PRKCE: variants seen among roughly 807,000 people sequenced by gnomAD.
The protein encoded by PRKCE is protein kinase C epsilon.
A neutral mutation model predicts 85.4 loss-of-function variants in PRKCE; 16 were observed. That is an observed-to-expected ratio of 0.19 (90% CI 0.13 to 0.28). PRKCE has a LOEUF of 0.28. Ranked by LOEUF, PRKCE falls within the 10% of genes least tolerant of loss-of-function variation. The pLI, the probability that PRKCE is intolerant of heterozygous loss-of-function variation, is 1.00. For missense variants in PRKCE, 573 were observed against 975.2 expected (o/e 0.59, Z 5.49); for synonymous variants, 388 against 371.5 (o/e 1.04, Z -0.51).
intron 2 of PRKCE, among the ~76,000 whole-genome samples, chr2:45,916,640 G>A (rs879829209): frequency 5.3e-5 from 8 of 152,138 alleles, no homozygotes; most frequent in Admixed American, 2.6e-4. Flanking sequence ...TTAGCCAATC[G>A]GGAATCTTGG....
intron 10 of PRKCE, among the ~76,000 whole-genome samples, chr2:46,059,586 A>C (rs1157557645): frequency 6.6e-6 from 1 of 152,226 alleles, no homozygotes; most frequent in Non-Finnish European, 1.5e-5. Flanking sequence ...TTATTTTTCT[A>C]ATATTCTAAG....
intron 2 of PRKCE, among the ~76,000 whole-genome samples, chr2:45,865,161 C>T (rs1338943428): frequency 6.6e-6 from 1 of 152,184 alleles, no homozygotes; most frequent in Non-Finnish European, 1.5e-5. Context: ...TTCTAACCAG[C>T]TCCTAGGCGA....
chr2:45,796,561 C>A (rs989780584), intron 1 of PRKCE, among the ~76,000 whole-genome samples: 2 of 152,170 alleles, frequency 1.3e-5, no homozygotes, highest in African/African-American at 4.8e-5. Context: ...CTTGGGCAAT[C>A]TGCTTCCAGG....
At chr2:46,012,278 C>G (rs553514432) in intron 10 of PRKCE, among the ~76,000 whole-genome samples, 2 of 151,972 alleles carry the variant, frequency 1.3e-5, no homozygotes, top group Non-Finnish European at 2.9e-5. Context: ...TTCTTTATCT[C>G]TCTCTCTTTT....
At chr2:45,914,205 T>C (rs780275515) in intron 2 of PRKCE, among the ~76,000 whole-genome samples, 2 of 152,246 alleles carry the variant, frequency 1.3e-5, no homozygotes, top group Non-Finnish European at 2.9e-5. Context: ...ATTAGGAAGA[T>C]AAATTCATAT....
At chr2:46,082,126 G>T (rs1669139363) in intron 10 of PRKCE, among the ~76,000 whole-genome samples, 1 of 151,962 alleles carries the variant, frequency 6.6e-6, no homozygotes. Context: ...GAGGAAGCGG[G>T]GTGGGTTACA....
chr2:46,120,668 T>C (rs1673225073), intron 11 of PRKCE, among the ~76,000 whole-genome samples: 1 of 152,320 alleles, frequency 6.6e-6, no homozygotes, highest in South Asian at 2.1e-4. Context: ...CTTCTGAAGA[T>C]AGGAGAAGGC....
chr2:45,715,372 G>T (rs1391812944), intron 1 of PRKCE, among the ~76,000 whole-genome samples: 1 of 152,232 alleles, frequency 6.6e-6, no homozygotes, highest in Non-Finnish European at 1.5e-5. Flanking sequence ...CCTGATAGGT[G>T]CTAGTGAATC....
chr2:46,147,360 T>C, intron 12 of PRKCE, among the ~76,000 whole-genome samples: 1 of 152,202 alleles, frequency 6.6e-6, no homozygotes, highest in East Asian at 1.9e-4. Context: ...GAATACTCAG[T>C]TCCAGTTCCT....
At chr2:46,089,176 G>A (rs910556466) in intron 11 of PRKCE, among the ~76,000 whole-genome samples, 1 of 151,872 alleles carries the variant, frequency 6.6e-6, no homozygotes, top group South Asian at 2.1e-4. Flanking sequence ...TTTTCCCCAG[G>A]GCCTTCCTCC....
At chr2:45,728,200 C>A (rs553395722) in intron 1 of PRKCE, among the ~76,000 whole-genome samples, 26 of 152,322 alleles carry the variant, frequency 1.7e-4, no homozygotes, top group Non-Finnish European at 3.5e-4. Flanking sequence ...AGAAGCTACT[C>A]TAAATAAATT....
intron 2 of PRKCE, among the ~76,000 whole-genome samples, chr2:45,950,645 G>T (rs1319188460): frequency 6.6e-6 from 1 of 152,140 alleles, no homozygotes; most frequent in Non-Finnish European, 1.5e-5. Context: ...CCCAGGCCAA[G>T]TGTCTAATAA....
chr2:46,027,417 G>A (rs1707197625), intron 10 of PRKCE, among the ~76,000 whole-genome samples: 1 of 152,064 alleles, frequency 6.6e-6, no homozygotes, highest in Admixed American at 6.5e-5. Context: ...GATGGGGAGA[G>A]AGGTTGCAAT....
In PRKCE at chr2:46,007,626, T is replaced by C. The variant is rs1705319308; in HGVS notation, c.1228T>C (p.Phe410Leu). The change falls in exon 9 of 15, where the codon TTC becomes CTC. Residue 410 changes from phenylalanine (F) to leucine (L), a missense_variant. Transcript: ENST00000306156. ...GCGCCTGGGCCTGGATGAGTTCAAC[T>C]TCATCAAGGTGTTGGGCAAAGGCAG... ...AKRLGLDEFN[F>L]IKVLGKGSFG... is the part of the protein sequence containing the mutation. 2 of 1,599,794 alleles carry C rather than the reference T, an allele frequency of 1.3e-6. No individual in the cohort carries two copies. The highest frequency in any genetic ancestry group is 1.7e-6 in the Non-Finnish European group (2 of 1,179,964).
At chr2:46,177,647 G>A (rs972151283) in intron 14 of PRKCE, among the ~76,000 whole-genome samples, 17 of 152,062 alleles carry the variant, frequency 1.1e-4, no homozygotes, top group East Asian at 7.7e-4. Context: ...CCTCATCTTC[G>A]TTTGATTACG....
At chr2:45,720,094 T>A (rs1680487187) in intron 1 of PRKCE, among the ~76,000 whole-genome samples, 1 of 152,158 alleles carries the variant, frequency 6.6e-6, no homozygotes, top group Non-Finnish European at 1.5e-5. Flanking sequence ...GGCTGCATCC[T>A]TCTTCTCTGA....
intron 1 of PRKCE, among the ~76,000 whole-genome samples, chr2:45,788,974 G>A (rs779541810): frequency 3.4e-4 from 52 of 152,284 alleles, no homozygotes; most frequent in Non-Finnish European, 5.9e-4. Flanking sequence ...AATTAAATCA[G>A]AATCTTTGGA....
intron 2 of PRKCE, among the ~76,000 whole-genome samples, chr2:45,873,455 CAAAA>C (rs56281653): frequency 2.8e-5 from 4 of 143,898 alleles, no homozygotes; most frequent in Non-Finnish European, 3.1e-5. Context: ...TAGTAGACTG[CAAAA>C]AAAAAAAAAA....
intron 10 of PRKCE, among the ~76,000 whole-genome samples, chr2:46,022,956 G>A (rs898025995): frequency 2.0e-5 from 3 of 151,812 alleles, no homozygotes; most frequent in East Asian, 1.9e-4. Context: ...GGTGGCGGGC[G>A]CCTGTAGTCC....
Sources: allele counts gnomAD v4.1 joint callset (sites outside exome capture counted in the v4.1 genomes callset), GRCh38; gene constraint gnomAD v4.1.1; transcripts MANE v1.5; gene names NCBI Gene and HGNC (gene_info 2026-07-23, HGNC 2026-07-21).